CCDC125: variants seen among roughly 807,000 people sequenced by gnomAD.
CCDC125 encodes coiled-coil domain containing 125.
A neutral mutation model predicts 57.4 loss-of-function variants in CCDC125; 43 were observed. The observed-to-expected ratio is 0.75, with a 90% confidence interval of 0.59 to 0.97. The LOEUF (loss-of-function observed/expected upper bound fraction) is 0.97, where lower values mean the gene tolerates loss of function less well. CCDC125 is among the 50% of genes least tolerant of loss of function. The pLI, the probability that CCDC125 is intolerant of heterozygous loss-of-function variation, is 0.00. For missense variants in CCDC125, 563 were observed against 595.7 expected, an observed-to-expected ratio of 0.95 and a Z score of 0.57; for synonymous variants, 187 against 195.2, an observed-to-expected ratio of 0.96 and a Z score of 0.35.
chr5:69,289,746 C>T (rs1418269509), intron 10 of CCDC125, among the ~76,000 whole-genome samples: 1 of 151,374 alleles, frequency 6.6e-6, no homozygotes, highest in Non-Finnish European at 1.5e-5. Context: ...GCCTGAAGTC[C>T]CAGCTGCTAG....
rs1334204599 is a variant in CCDC125 at position 69,281,288 on chromosome 5, G to T, written c.*1441C>A. ...AGGCAGGAGGATCCCTTGAGGCCAG[G>T]AGTTTGGCACCAGCCTGAGCAACAC... is the stretch of plus-strand genomic sequence containing the variant. On this transcript the variant is annotated 3_prime_UTR_variant, in exon 12 of 12. Coordinates refer to ENST00000396496, the MANE Select transcript of CCDC125 (RefSeq NM_176816.5). The T allele has an allele frequency of 6.6e-6, 1 of 152,094 alleles. No homozygotes were observed. The highest frequency in any genetic ancestry group is 1.5e-5 in the Non-Finnish European group (1 of 68,076). The allele number at this position is 152,094 out of a possible 1,614,324, so 9.4% of individuals were successfully genotyped here.
intron 1 of CCDC125, among the ~76,000 whole-genome samples, chr5:69,329,314 C>T (rs1214568740): frequency 4.6e-5 from 7 of 151,992 alleles, no homozygotes; most frequent in Admixed American, 2.0e-4. Flanking sequence ...CAGGCATGTG[C>T]CACCACACCT....
In CCDC125 at chr5:69,315,837, T is replaced by C. The variant is rs868131684; in HGVS notation, c.305-1791A>G. On this transcript the variant is annotated intron_variant, in intron 2 of 11. Coordinates refer to ENST00000396496, the MANE Select transcript of CCDC125 (RefSeq NM_176816.5). ...CCAAAAAGAATGACTAGAAGAGTCC[T>C]GTAACTTCAATTATTTGCTCCTTAA... is the stretch of plus-strand genomic sequence containing the variant. Among the ~76,000 whole-genome samples, 26 of 151,248 alleles carry C rather than the reference T, an allele frequency of 1.7e-4. No individual in the cohort carries two copies. The Middle Eastern group carries it at 0.031, about 178-fold the overall frequency.
At chr5:69,320,046 G>C (rs531060816) in intron 2 of CCDC125, among the ~76,000 whole-genome samples, 191 bp downstream of exon 2, 1 of 152,018 alleles carries the variant, frequency 6.6e-6, no homozygotes. Context: ...GCTTGAACCC[G>C]GGGGGTGGAG....
At chr5:69,330,539 A>G (rs750550803) in intron 1 of CCDC125, among the ~76,000 whole-genome samples, 1 of 151,946 alleles carries the variant, frequency 6.6e-6, no homozygotes, top group South Asian at 2.1e-4. Flanking sequence ...CATTGCAGTG[A>G]GCCGAGATTG....
At chr5:69,307,681 CAAA>C (rs34077586) in intron 5 of CCDC125, 822 of 293,200 alleles carry the variant, frequency 2.8e-3, no homozygotes, top group Middle Eastern at 5.4e-3. Context: ...GACTCCATCT[CAAA>C]AAAAAAAAAA....
In CCDC125 at chr5:69,320,398, G is replaced by A. The variant is rs111417600; in HGVS notation, c.143C>T (p.Ser48Phe). 208 of 1,613,838 alleles carry A rather than the reference G, an allele frequency of 1.3e-4. No homozygotes were observed. Among genetic ancestry groups the A allele is most frequent in the Non-Finnish European group, 1.9e-5 (23 of 1,179,992 alleles). ...GTTCTTTCCATCTGATCTTTTTCTAGACCTATGTGAAAATTCTATTTCATA... is the reference window on the plus strand; with the variant it reads ...GTTCTTTCCATCTGATCTTTTTCTAAACCTATGTGAAAATTCTATTTCATA... Reference protein sequence around the residue: ...GIYEIEFSHRSRKRSDGKNFS... With the variant: ...GIYEIEFSHRFRKRSDGKNFS... The change falls in exon 2 of 12, where the codon TCT becomes TTT. Residue 48 changes from serine to phenylalanine, a missense_variant. Physicochemically the swap from Ser to Phe is radical, Grantham distance 155. Transcript: ENST00000396496.
In CCDC125 at chr5:69,306,842, C is replaced by G; in HGVS notation, c.592G>C (p.Glu198Gln). The stretch of plus-strand genomic sequence containing the variant: ...CTGTCATATTTTTGGATCCAAGATT[C>G]CTCTATATTTTTAAATCTATTATGA... ...FDHNRFKNIE[E>Q]SWIQKYDRLN... is the part of the protein sequence containing the mutation. Residue 198 changes from glutamate (E) to glutamine (Q), a missense_variant, in exon 6 of 12, where the codon GAA (glutamate) becomes CAA (glutamine). Physicochemically the swap from Glu to Gln is conservative, Grantham distance 29. Coordinates refer to ENST00000396496, the MANE Select transcript of CCDC125 (RefSeq NM_176816.5). 6.6e-7 allele frequency: 1 copy of G among 1,506,400 alleles called. No individual in the cohort carries two copies. The highest frequency in any genetic ancestry group is 8.8e-7 in the Non-Finnish European group (1 of 1,131,156). 93.3% of individuals were successfully genotyped at this position (1,506,400 alleles called of 1,614,324 possible). A position where few individuals can be genotyped will look rare whatever the true frequency, so the allele number is the denominator to read the frequency against.
chr5:69,304,788 C>A (rs1035518121), intron 6 of CCDC125, among the ~76,000 whole-genome samples: 1 of 152,124 alleles, frequency 6.6e-6, no homozygotes, highest in African/African-American at 2.4e-5. Context: ...TTTAAACCAT[C>A]CATTTTGCAT....
At chr5:69,288,873 C>T (rs945949349) in intron 10 of CCDC125, among the ~76,000 whole-genome samples, 1 of 152,142 alleles carries the variant, frequency 6.6e-6, no homozygotes, top group Admixed American at 6.5e-5. Context: ...GAATCCCCCA[C>T]CCCTAGCATC....
intron 9 of CCDC125, among the ~76,000 whole-genome samples, chr5:69,293,131 C>T (rs965727589): frequency 6.7e-6 from 1 of 150,314 alleles, no homozygotes. Flanking sequence ...TGAGCCACTG[C>T]GCCCGGTCTT....
At chr5:69,278,703 C>CTTTTTTTTTTTTTTTTTTTTTTTTT, downstream of CCDC125, among the ~76,000 whole-genome samples, 1 of 108,128 alleles carries the variant, frequency 9.2e-6, no homozygotes, top group Non-Finnish European at 1.8e-5. Context: ...TCTCTCTCTC[C>CTTTTTTTTTTTTTTTTTTTTTTTTT]TTTTTTTTTT....
At chr5:69,321,251 T>C (rs1393020159) in intron 1 of CCDC125, among the ~76,000 whole-genome samples, 3 of 152,206 alleles carry the variant, frequency 2.0e-5, no homozygotes, top group Non-Finnish European at 4.4e-5. Flanking sequence ...TATTCCACAT[T>C]GTATTCATAA....
At chr5:69,275,518 G>A (rs1216443724), downstream of CCDC125, among the ~76,000 whole-genome samples, 1 of 152,076 alleles carries the variant, frequency 6.6e-6, no homozygotes, top group Non-Finnish European at 1.5e-5. Context: ...TATAGGTTGA[G>A]CATCCTTAAT....
intron 10 of CCDC125, among the ~76,000 whole-genome samples, chr5:69,289,755 A>C (rs1291814722): frequency 2.7e-5 from 4 of 150,034 alleles, no homozygotes; most frequent in Non-Finnish European, 4.4e-5. Context: ...CCCAGCTGCT[A>C]GGGAGGCTGA....
At chr5:69,326,673 T>C (rs1158412342) in intron 1 of CCDC125, among the ~76,000 whole-genome samples, 1 of 152,190 alleles carries the variant, frequency 6.6e-6, no homozygotes, top group Non-Finnish European at 1.5e-5. Flanking sequence ...GCATCATGGG[T>C]ACGCCTTCCT....
At position 69,282,661 on chromosome 5, in the gene CCDC125, T is replaced by G; in HGVS notation, c.*68A>C. On this transcript the variant is annotated 3_prime_UTR_variant, in exon 12 of 12. Coordinates refer to ENST00000396496, the MANE Select transcript of CCDC125 (RefSeq NM_176816.5). ...ACAACTTCTCAAGATGCAGCAAAAT[T>G]TACAAAATCATTTTTCAAAGTATCT... 6 of 1,365,350 alleles carry G rather than the reference T, an allele frequency of 4.4e-6. No homozygotes were observed. Among genetic ancestry groups the G allele is most frequent in the Non-Finnish European group, 6.0e-6 (6 of 1,008,008 alleles). The allele number at this position is 1,365,350 out of a possible 1,614,324, so 84.6% of individuals were successfully genotyped here. A position where few individuals can be genotyped will look rare whatever the true frequency, so the allele number is the denominator to read the frequency against.
At chr5:69,277,952 C>T (rs1338410291), downstream of CCDC125, among the ~76,000 whole-genome samples, 2 of 152,182 alleles carry the variant, frequency 1.3e-5, no homozygotes, top group Admixed American at 6.5e-5. Flanking sequence ...GGGGCACAAT[C>T]CCAGCTCACT....
chr5:69,303,361 C>CTT (rs1003180857), intron 7 of CCDC125, among the ~76,000 whole-genome samples: 12,023 of 100,418 alleles, frequency 0.12, 1,663 homozygotes, highest in East Asian at 0.24. Context: ...GAATTGTTCA[C>CTT]TTTTTTTTTT....
Sources: gnomAD v4.1 joint callset for allele counts (sites outside exome capture counted in the v4.1 genomes callset) on GRCh38, gnomAD v4.1.1 for gene constraint, MANE v1.5 for transcripts, NCBI Gene and HGNC (gene_info 2026-07-23, HGNC 2026-07-21) for gene names.